Variants in NTRK1 observed in about 807,000 individuals in gnomAD.
The protein encoded by NTRK1 is high affinity nerve growth factor receptor.
NTRK1 carries 62 observed loss-of-function variants against 86.8 expected under a neutral mutation model. That is an observed-to-expected ratio of 0.71 (90% CI 0.58 to 0.88). The LOEUF (loss-of-function observed/expected upper bound fraction) is 0.88, where lower values mean the gene tolerates loss of function less well. Ranked by LOEUF, NTRK1 falls within the 40% of genes least tolerant of loss-of-function variation. The pLI, the probability that NTRK1 is intolerant of heterozygous loss-of-function variation, is 0.00. For synonymous variants in NTRK1, 469 were observed against 456.6 expected (o/e 1.03, Z -0.35); for missense variants, 967 against 1,078.4 (o/e 0.90, Z 1.45).
intron 6 of NTRK1, among the ~76,000 whole-genome samples, chr1:156,869,486 T>C (rs1647416185): frequency 6.6e-6 from 1 of 152,062 alleles, no homozygotes; most frequent in African/African-American, 2.4e-5. Flanking sequence ...TTCTGGAGAT[T>C]CTGGAAGCAG....
At chr1:156,816,194 G>A in intron 1 of NTRK1, 2 of 1,482,842 alleles carry the variant, frequency 1.3e-6, no homozygotes, top group Admixed American at 5.0e-5. Context: ...TGGAGGGCTG[G>A]GACAGTCTTA....
At chr1:156,850,578 C>G (rs971985277) in intron 2 of NTRK1, among the ~76,000 whole-genome samples, 2 of 122,716 alleles carry the variant, frequency 1.6e-5, no homozygotes, top group Non-Finnish European at 3.3e-5. Context: ...GATGGAGTCC[C>G]TCTCTGTAAC....
intron 1 of NTRK1, among the ~76,000 whole-genome samples, chr1:156,839,627 G>A (rs1210734928): frequency 2.0e-5 from 3 of 152,346 alleles, no homozygotes; most frequent in African/African-American, 7.2e-5. Flanking sequence ...CCTGGCTTGG[G>A]TGGGGGCATC....
intron 2 of NTRK1, chr1:156,844,594 G>A (rs2102856843): frequency 1.2e-6 from 2 of 1,614,142 alleles, no homozygotes; most frequent in South Asian, 1.1e-5. Flanking sequence ...TTCGCATATC[G>A]AAGACGGGAC....
At position 156,873,896 on chromosome 1, in the gene NTRK1, G is replaced by T. The variant is rs754611476; in HGVS notation, c.1114G>T (p.Ala372Ser). 19 of 1,577,302 alleles carry T rather than the reference G, an allele frequency of 1.2e-5. No individual in the cohort carries two copies. The East Asian group carries it at 1.4e-4, about 12-fold the overall frequency. ...LAANPFGQAS[A>S]SIMAAFMDNP... is the part of the protein sequence containing the mutation. ...TGCCAACCCCTTCGGCCAGGCCTCC[G>T]CCTCCATCATGGCTGCCTTCATGGA... is the stretch of plus-strand genomic sequence containing the variant. Residue 372 changes from alanine (A) to serine (S), a missense_variant, in exon 8 of 17, where the codon GCC becomes TCC. Physicochemically the swap from Ala to Ser is moderately conservative, Grantham distance 99 (BLOSUM62 1). Coordinates refer to ENST00000524377, the MANE Select transcript of NTRK1 (RefSeq NM_002529.4).
chr1:156,851,399 G>C, intron 2 of NTRK1: 1 of 1,614,182 alleles, frequency 6.2e-7, no homozygotes, highest in South Asian at 1.1e-5. Flanking sequence ...GTTTCTACCA[G>C]CCCCAGGCTG....
intron 1 of NTRK1, among the ~76,000 whole-genome samples, chr1:156,820,036 G>T (rs1654141272): frequency 6.6e-6 from 1 of 152,144 alleles, no homozygotes. Context: ...TCTTAGTCAT[G>T]AATTCTTTGC....
rs1351290687 is a variant in NTRK1 at position 156,876,151 on chromosome 1, T to G, written c.1573T>G (p.Phe525Val). 3 of 1,614,044 alleles carry G rather than the reference T, an allele frequency of 1.9e-6. No homozygotes were observed. Among genetic ancestry groups the G allele is most frequent in the Non-Finnish European group, 2.5e-6 (3 of 1,180,030 alleles). The change falls in exon 13 of 17, where the codon TTC becomes GTC. Residue 525 changes from phenylalanine (F) to valine (V), a missense_variant. Physicochemically the swap from Phe to Val is conservative, Grantham distance 50. Around this residue, in one of 2 missense-constraint regions of NTRK1, gnomAD observed 637 missense variants for 776.5 expected, o/e 0.82. Coordinates refer to ENST00000524377, the MANE Select transcript of NTRK1 (RefSeq NM_002529.4). ...GGGGGAGGGCGCCTTTGGGAAGGTC[T>G]TCCTTGCTGAGTGCCACAACCTCCT... ...ELGEGAFGKV[F>V]LAECHNLLPE...
In NTRK1 at chr1:156,854,363, C is replaced by T; in HGVS notation, c.51-9991C>T. On this transcript the variant is annotated intron_variant, in intron 2 of 16. Transcript: ENST00000392302. The surrounding 1 kb of genome is among the most constrained non-coding windows in gnomAD (Gnocchi z 4.2). ...GCCCAGGCCAAATTCCCCATCCAGC[C>T]CTGGCAGCTTTGGAGGGGAGCCACA... 2 of 1,496,136 alleles carry T rather than the reference C, an allele frequency of 1.3e-6. No individual in the cohort carries two copies. The highest frequency in any genetic ancestry group is 1.4e-5 in the African/African-American group (1 of 72,782). 92.7% of individuals were successfully genotyped at this position (1,496,136 alleles called of 1,614,324 possible). A position where few individuals can be genotyped will look rare whatever the true frequency, so the allele number is the denominator to read the frequency against.
In NTRK1 at chr1:156,876,659, C is replaced by G. The variant is rs1010771660; in HGVS notation, c.1805+87C>G. ...CCTATAGACATCCCTGCTTGTCTTT[C>G]AAACCAAGGGGAGACACCAAGAAAG... On this transcript the variant is annotated intron_variant, in intron 14 of 16. Coordinates refer to ENST00000524377, the MANE Select transcript of NTRK1 (RefSeq NM_002529.4). The G allele has an allele frequency of 8.1e-6, 12 of 1,480,420 alleles. No homozygotes were observed. In the African/African-American group the frequency reaches 1.7e-4, roughly 21 times the overall value. 91.7% of individuals were successfully genotyped at this position (1,480,420 alleles called of 1,614,324 possible).
chr1:156,865,760 T>A (rs1049536525), intron 3 of NTRK1, among the ~76,000 whole-genome samples: 1 of 152,094 alleles, frequency 6.6e-6, no homozygotes, highest in Non-Finnish European at 1.5e-5. Flanking sequence ...CTCCCTGGCC[T>A]TCTGAGGGCA....
At chr1:156,867,212 G>C (rs1034061586) in intron 4 of NTRK1, among the ~76,000 whole-genome samples, 16 of 152,242 alleles carry the variant, frequency 1.1e-4, no homozygotes, top group African/African-American at 3.6e-4. Context: ...TGCTGGGCCT[G>C]GCTGAGCAGA....
chr1:156,854,431 GT>G lies in NTRK1; in HGVS notation c.51-9922del. 2 of 1,021,074 alleles carry G rather than the reference GT, an allele frequency of 2.0e-6. No homozygotes were observed. The highest frequency in any genetic ancestry group is 3.3e-5 in the South Asian group (2 of 60,706). The allele number at this position is 1,021,074 out of a possible 1,614,324, so 63.3% of individuals were successfully genotyped here. On this transcript the variant is annotated intron_variant, in intron 2 of 16. Transcript: ENST00000392302. The surrounding 1 kb of genome is among the most constrained non-coding windows in gnomAD (Gnocchi z 4.2). ...AGTGAGGAGCCGGGCTCTGCTCTGG[GT>G]GTGGGGTGGCCTCCTTCCTGGGCCC...
At chr1:156,868,300 C>T in intron 5 of NTRK1, 51 bp downstream of exon 5, 2 of 1,596,356 alleles carry the variant, frequency 1.3e-6, no homozygotes, top group Non-Finnish European at 1.7e-6. Context: ...AAGAGACCTA[C>T]CTGCCTGAGG....
intron 12 of NTRK1, 178 bp downstream of exon 12, chr1:156,875,844 T>G: frequency 8.9e-7 from 1 of 1,120,682 alleles, no homozygotes; most frequent in East Asian, 2.6e-5. Context: ...AGCCTGGCTC[T>G]TAGCTGCATC....
chr1:156,834,387 C>T (rs896554228), intron 1 of NTRK1, among the ~76,000 whole-genome samples: 1 of 152,170 alleles, frequency 6.6e-6, no homozygotes, highest in African/African-American at 2.4e-5. Context: ...AGGCAGGTTG[C>T]AGCTAGAAGT....
At chr1:156,820,501 C>A (rs984000630) in intron 1 of NTRK1, among the ~76,000 whole-genome samples, 2 of 152,230 alleles carry the variant, frequency 1.3e-5, no homozygotes, top group African/African-American at 4.8e-5. Flanking sequence ...CCTGCCTTGG[C>A]CTCCCAAAGT....
intron 10 of NTRK1, 75 bp from the exon 11 acceptor site, chr1:156,874,831 A>C (rs988731306): frequency 3.7e-5 from 48 of 1,286,712 alleles, no homozygotes; most frequent in Non-Finnish European, 5.3e-5. Context: ...TGCAGGATGA[A>C]AAAATGGCTT....
intron 2 of NTRK1, among the ~76,000 whole-genome samples, chr1:156,848,366 C>G (rs890336167): frequency 5.3e-5 from 8 of 152,214 alleles, no homozygotes; most frequent in African/African-American, 1.9e-4. Context: ...AAATCCACTT[C>G]CCTCCTCTAA....
Sources: gnomAD v4.1 joint callset for allele counts (sites outside exome capture counted in the v4.1 genomes callset) on GRCh38, gnomAD v4.1.1 for gene constraint, gnomAD v4.1.1 regional missense constraint, Gnocchi (gnomAD v3.1) non-coding constraint, MANE v1.5 for transcripts, NCBI Gene and HGNC (gene_info 2026-07-23, HGNC 2026-07-21) for gene names.